ATP1B2: variants seen among roughly 807,000 people sequenced by gnomAD.
ATP1B2 encodes the protein sodium/potassium-transporting ATPase subunit beta-2.
Under a neutral mutation model 37.3 loss-of-function variants are expected in ATP1B2, and 12 were observed. The observed-to-expected ratio is 0.32, with a 90% CI of 0.21 to 0.52. The LOEUF is 0.52. ATP1B2 is among the 20% of genes least tolerant of loss of function. The probability of loss-of-function intolerance (pLI) is 0.96; values close to 1 mark genes in which losing one functional copy is unlikely to be tolerated. For missense variants in ATP1B2, 324 were observed against 391.6 expected, an observed-to-expected ratio of 0.83 and a Z score of 1.46; for synonymous variants, 139 against 140.5, an observed-to-expected ratio of 0.99 and a Z score of 0.07.
intron 2 of ATP1B2, 44 bp downstream of exon 2, chr17:7,653,546 G>C (rs1456169439): frequency 6.2e-7 from 1 of 1,608,696 alleles, no homozygotes; most frequent in Non-Finnish European, 8.5e-7. Context: ...AACTGCTCTT[G>C]TGCCCCCAAA....
chr17:7,653,933 A>G lies in ATP1B2; in HGVS notation c.334A>G (p.Lys112Glu). The change falls in exon 3 of 7, where the codon AAG becomes GAG. Residue 112 changes from lysine (K) to glutamate (E), a missense_variant. Physicochemically the swap from Lys to Glu is moderately conservative, Grantham distance 56 (BLOSUM62 1). Coordinates refer to ENST00000250111, the MANE Select transcript of ATP1B2 (RefSeq NM_001678.5). ...GGACCAGCATGTTCAGAAGCTCAACAAGTTCTTGGAGCGTGAGTGTGGGCC... is the reference window on the plus strand; with the variant it reads ...GGACCAGCATGTTCAGAAGCTCAACGAGTTCTTGGAGCGTGAGTGTGGGCC... ...SWDQHVQKLN[K>E]FLEPYNDSIQ... 6.2e-7 allele frequency: 1 copy of G among 1,614,132 alleles called. No homozygotes were observed. The highest frequency in any genetic ancestry group is 1.1e-5 in the South Asian group (1 of 91,086).
chr17:7,646,703 T>C (rs897058930), upstream of ATP1B2: 2 of 152,072 alleles, frequency 1.3e-5, no homozygotes, highest in Admixed American at 1.3e-4. Context: ...GAGTATAAGG[T>C]AAGCACATTA....
chr17:7,651,184 G>T lies in ATP1B2; in HGVS notation c.-335G>T. 16 of 254,676 alleles carry T rather than the reference G, an allele frequency of 6.3e-5. No individual in the cohort carries two copies. The highest frequency in any genetic ancestry group is 1.1e-4 in the Non-Finnish European group (14 of 130,642). The allele number at this position is 254,676 out of a possible 1,614,324, so 15.8% of individuals were successfully genotyped here. Reference sequence around the variant, plus strand: ...TCGGTTTTTGTAGCCGTCTGTTTTTGCACCCCATTTCGTTTTGTTTCTAGA... The same window carrying T: ...TCGGTTTTTGTAGCCGTCTGTTTTTTCACCCCATTTCGTTTTGTTTCTAGA... On this transcript the variant is annotated 5_prime_UTR_variant, in exon 1 of 7. Transcript: ENST00000250111.
In ATP1B2 at chr17:7,653,863, T is replaced by C. The variant is rs1567532341; in HGVS notation, c.264T>C (p.Thr88=). 2.5e-6 allele frequency: 4 copies of C among 1,614,148 alleles called. No homozygotes were observed. Among genetic ancestry groups the C allele is most frequent in the Non-Finnish European group, 1.7e-6 (2 of 1,180,010 alleles). The change falls in exon 3 of 7, where the codon ACT becomes ACC. Residue 88 remains threonine, a synonymous_variant. Coordinates refer to ENST00000250111, the MANE Select transcript of ATP1B2 (RefSeq NM_001678.5). ...TAGGCTTGATGATTCGCCCCAAGACTGAGAACCTTGATGTCATTGTCAATG... is the reference window on the plus strand; with the variant it reads ...TAGGCTTGATGATTCGCCCCAAGACCGAGAACCTTGATGTCATTGTCAATG... ...ATPGLMIRPK[T]ENLDVIVNVS...
upstream of ATP1B2, among the ~76,000 whole-genome samples, chr17:7,647,938 C>T (rs570625005): frequency 4.6e-5 from 7 of 152,040 alleles, no homozygotes; most frequent in Admixed American, 1.3e-4. Context: ...ACTGGAAGGT[C>T]GTTCATGGAC....
At chr17:7,648,036 T>G (rs1944938169), upstream of ATP1B2, among the ~76,000 whole-genome samples, 1 of 151,892 alleles carries the variant, frequency 6.6e-6, no homozygotes, top group Non-Finnish European at 1.5e-5. Flanking sequence ...GTCCAGGAGT[T>G]CCACACCAGC....
chr17:7,653,255 C>T lies in ATP1B2; in HGVS notation c.113-119C>T, dbSNP rs960144484. 4.8e-6 allele frequency: 7 copies of T among 1,450,570 alleles called. No individual in the cohort carries two copies. In the African/African-American group the frequency reaches 9.8e-5, roughly 20 times the overall value. 89.9% of individuals were successfully genotyped at this position (1,450,570 alleles called of 1,614,324 possible). On this transcript the variant is annotated intron_variant, in intron 1 of 6. Coordinates refer to ENST00000250111, the MANE Select transcript of ATP1B2 (RefSeq NM_001678.5). ...CTCCAGAGGAAGGCTCTAAGACATC[C>T]CTGTGGCTCTGTGATCAGTCCCAGT... is the stretch of plus-strand genomic sequence containing the variant.
In ATP1B2 at chr17:7,653,482, A is replaced by G; in HGVS notation, c.221A>G (p.Gln74Arg). ...GTCTCCGACCATACCCCCAAGTACC[A>G]GGACCGACTGGCCACACCGGGTGAG... ...QTVSDHTPKY[Q>R]DRLATPGLMI... is the part of the protein sequence containing the mutation. The change falls in exon 2 of 7, where the codon CAG becomes CGG. Residue 74 changes from glutamine to arginine, a missense_variant. Physicochemically the swap from Gln to Arg is conservative, Grantham distance 43. Coordinates refer to ENST00000250111, the MANE Select transcript of ATP1B2 (RefSeq NM_001678.5). 1 of 1,614,092 alleles carries G rather than the reference A, an allele frequency of 6.2e-7. No individual in the cohort carries two copies. The highest frequency in any genetic ancestry group is 8.5e-7 in the Non-Finnish European group (1 of 1,180,006).
upstream of ATP1B2, among the ~76,000 whole-genome samples, chr17:7,647,680 G>A (rs1426921171): frequency 3.9e-5 from 6 of 152,046 alleles, no homozygotes; most frequent in African/African-American, 9.7e-5. Context: ...TTAGCCAGGC[G>A]TGGTTGTGCA....
upstream of ATP1B2, among the ~76,000 whole-genome samples, chr17:7,647,099 C>CAA (rs34937578): frequency 1.0e-4 from 8 of 78,270 alleles, no homozygotes; most frequent in African/African-American, 2.8e-4. Context: ...GAGACTATCT[C>CAA]AAAAAAAAAA....
upstream of ATP1B2, among the ~76,000 whole-genome samples, chr17:7,650,004 T>A (rs2072599820): frequency 6.6e-6 from 1 of 152,236 alleles, no homozygotes; most frequent in South Asian, 2.1e-4. Flanking sequence ...AGATAATGAT[T>A]CTTAACATGT....
At position 7,655,824 on chromosome 17, in the gene ATP1B2, A is replaced by T. The variant is rs778160814; in HGVS notation, c.802A>T (p.Ile268Phe). ...NVECRINAANIATDDERDKFA... is the reference protein window; with the variant it reads ...NVECRINAANFATDDERDKFA... ...AGAATGTCGCATCAACGCCGCCAAC[A>T]TCGCCACAGACGATGAGCGAGACAA... Residue 268 changes from isoleucine (I) to phenylalanine (F), a missense_variant, in exon 7 of 7, where the codon ATC (isoleucine) becomes TTC (phenylalanine). Ile to Phe is a conservative substitution (Grantham distance 21). Coordinates refer to ENST00000250111, the MANE Select transcript of ATP1B2 (RefSeq NM_001678.5). This position sits in a 1 kb window ranked among gnomAD's most constrained non-coding sequence, Gnocchi z 4.4. The T allele has an allele frequency of 6.2e-7, 1 of 1,614,020 alleles. No homozygotes were observed. The highest frequency in any genetic ancestry group is 1.3e-5 in the African/African-American group (1 of 74,910).
chr17:7,651,409 C>T lies in ATP1B2; in HGVS notation c.-110C>T. 1 of 974,444 alleles carries T rather than the reference C, an allele frequency of 1.0e-6. No individual in the cohort carries two copies. The highest frequency in any genetic ancestry group is 1.6e-6 in the Non-Finnish European group (1 of 640,624). 60.4% of individuals were successfully genotyped at this position (974,444 alleles called of 1,614,324 possible). A position where few individuals can be genotyped will look rare whatever the true frequency, so the allele number is the denominator to read the frequency against. On this transcript the variant is annotated 5_prime_UTR_variant, in exon 1 of 7. Coordinates refer to ENST00000250111, the MANE Select transcript of ATP1B2 (RefSeq NM_001678.5). ...ATCTGAGGGGGGTCTCCTTTGCCCGCGCCGCCTTCGCTCCCCGTGCTTTTG... is the reference window on the plus strand; with the variant it reads ...ATCTGAGGGGGGTCTCCTTTGCCCGTGCCGCCTTCGCTCCCCGTGCTTTTG...
rs1296251259 is a variant in ATP1B2, at chr17:7,653,857, C to G, written c.258C>G (p.Pro86=). ...RLATPGLMIR[P]KTENLDVIVN... is the part of the protein sequence containing the mutation. The stretch of plus-strand genomic sequence containing the variant: ...TGGCTGTAGGCTTGATGATTCGCCC[C>G]AAGACTGAGAACCTTGATGTCATTG... The change falls in exon 3 of 7, where the codon CCC becomes CCG. Residue 86 remains proline (P), a synonymous_variant. Transcript: ENST00000250111. 2.5e-6 allele frequency: 4 copies of G among 1,614,008 alleles called. No individual in the cohort carries two copies. In the Admixed American group the frequency reaches 6.7e-5, roughly 27 times the overall value.
chr17:7,656,002 C>T lies in ATP1B2; in HGVS notation c.*107C>T. 1 of 1,423,406 alleles carries T rather than the reference C, an allele frequency of 7.0e-7. No individual in the cohort carries two copies. 88.2% of individuals were successfully genotyped at this position (1,423,406 alleles called of 1,614,324 possible). A position where few individuals can be genotyped will look rare whatever the true frequency, so the allele number is the denominator to read the frequency against. Reference sequence around the variant, plus strand: ...CCCAAAGGTATTTTTGATAACAGAGCTATGACTTGTCTGAGCCTCACATCC... The same window carrying T: ...CCCAAAGGTATTTTTGATAACAGAGTTATGACTTGTCTGAGCCTCACATCC... On this transcript the variant is annotated 3_prime_UTR_variant, in exon 7 of 7. Coordinates refer to ENST00000250111, the MANE Select transcript of ATP1B2 (RefSeq NM_001678.5).
chr17:7,653,442 G>A lies in ATP1B2; in HGVS notation c.181G>A (p.Val61Met). ...LTAMFTLTMW[V>M]MLQTVSDHTP... is the part of the protein sequence containing the mutation. ...CGCCATGTTCACCCTCACCATGTGGGTGATGCTGCAGACTGTCTCCGACCA... is the reference window on the plus strand; with the variant it reads ...CGCCATGTTCACCCTCACCATGTGGATGATGCTGCAGACTGTCTCCGACCA... Residue 61 changes from valine to methionine, a missense_variant, in exon 2 of 7, where the codon GTG becomes ATG. Transcript: ENST00000250111. 1.2e-6 allele frequency: 2 copies of A among 1,614,056 alleles called. No individual in the cohort carries two copies. The highest frequency in any genetic ancestry group is 1.7e-6 in the Non-Finnish European group (2 of 1,180,016).
At chr17:7,651,722 CCCGGGT>C (rs1216292105) in intron 1 of ATP1B2, 92 bp downstream of exon 1, 3 of 1,114,804 alleles carry the variant, frequency 2.7e-6, no homozygotes, top group East Asian at 2.9e-5. Flanking sequence ...CAGCTCCCCT[CCCGGGT>C]CCCCGGCGTC....
At chr17:7,652,005 G>A (rs993894165) in intron 1 of ATP1B2, among the ~76,000 whole-genome samples, 4 of 152,062 alleles carry the variant, frequency 2.6e-5, no homozygotes, top group African/African-American at 9.7e-5. Flanking sequence ...CCGCAGCCCC[G>A]TCTATTTTTA....
intron 1 of ATP1B2, 39 bp downstream of exon 1, chr17:7,651,669 C>G (rs771045468): frequency 6.5e-7 from 1 of 1,530,252 alleles, no homozygotes; most frequent in Admixed American, 2.0e-5. Flanking sequence ...GGGAAAGCCG[C>G]GGGGCGACGC....
Sources: gnomAD v4.1 joint callset for allele counts (sites outside exome capture counted in the v4.1 genomes callset) on GRCh38, gnomAD v4.1.1 for gene constraint, Gnocchi (gnomAD v3.1) non-coding constraint, MANE v1.5 for transcripts, NCBI Gene and HGNC (gene_info 2026-07-23, HGNC 2026-07-21) for gene names.